SLCO4C1: variants seen among roughly 807,000 people sequenced by gnomAD.
The protein encoded by SLCO4C1 is organic anion transporter M1.
A neutral mutation model predicts 72.1 loss-of-function variants in SLCO4C1; 58 were observed. The ratio of observed to expected loss-of-function variants is 0.80; its 90% CI spans 0.65 to 1.00. The LOEUF (loss-of-function observed/expected upper bound fraction) is 1.00, where lower values mean the gene tolerates loss of function less well. SLCO4C1 is among the 50% of genes least tolerant of loss of function. The pLI, the probability that SLCO4C1 is intolerant of heterozygous loss-of-function variation, is 0.00. For synonymous variants in SLCO4C1, 297 were observed against 312.5 expected (o/e 0.95, Z 0.52); for missense variants, 898 against 857.9 (o/e 1.05, Z -0.58).
chr5:102,266,135 A>AT (rs897113254), intron 3 of SLCO4C1, among the ~76,000 whole-genome samples: 1 of 152,064 alleles, frequency 6.6e-6, no homozygotes, highest in Non-Finnish European at 1.5e-5. Flanking sequence ...AATACTACTG[A>AT]TTTTTTTAAT....
intron 10 of SLCO4C1, among the ~76,000 whole-genome samples, chr5:102,244,957 A>G (rs1040983174): frequency 6.6e-6 from 1 of 152,196 alleles, no homozygotes; most frequent in African/African-American, 2.4e-5. Flanking sequence ...TACAAAACTC[A>G]CTGGTAATGA....
At chr5:102,243,015 C>T (rs963221505) in intron 10 of SLCO4C1, among the ~76,000 whole-genome samples, 1 of 152,112 alleles carries the variant, frequency 6.6e-6, no homozygotes, top group African/African-American at 2.4e-5. Flanking sequence ...TCATGACAAG[C>T]TGACTTAAAG....
chr5:102,258,249 T>C (rs557221514), intron 6 of SLCO4C1, among the ~76,000 whole-genome samples, 162 bp from the exon 7 acceptor site: 23 of 152,276 alleles, frequency 1.5e-4, no homozygotes, highest in Non-Finnish European at 2.9e-4. Flanking sequence ...TTAATAGAAT[T>C]ACACATACAT....
intron 8 of SLCO4C1, among the ~76,000 whole-genome samples, chr5:102,252,922 A>G (rs1048252990): frequency 2.0e-5 from 3 of 152,282 alleles, no homozygotes; most frequent in East Asian, 1.9e-4. Context: ...ATAAATGTGC[A>G]TATATAAACA....
intron 12 of SLCO4C1, among the ~76,000 whole-genome samples, chr5:102,237,729 G>C (rs1748466095): frequency 6.6e-6 from 1 of 152,156 alleles, no homozygotes; most frequent in Admixed American, 6.6e-5. Context: ...ATAAATTGAA[G>C]AACATTCCCT....
At chr5:102,271,925 T>A (rs1437643852) in intron 2 of SLCO4C1, among the ~76,000 whole-genome samples, 1 of 152,086 alleles carries the variant, frequency 6.6e-6, no homozygotes, top group East Asian at 1.9e-4. Context: ...GAAAAGTAGG[T>A]CAGAGGTCAT....
chr5:102,260,286 T>C lies in SLCO4C1; in HGVS notation c.1055A>G (p.Gln352Arg), dbSNP rs367645009. The C allele has an allele frequency of 7.3e-7, 1 of 1,369,186 alleles. No individual in the cohort carries two copies. The allele number at this position is 1,369,186 out of a possible 1,614,324, so 84.8% of individuals were successfully genotyped here. ...TGCATTACTATTACTCTGATGAGCC[T>C]GGGAAGTTTTTCCAGCTTGAATTTC... ...TAEIQAGKTS[Q>R]AHQSNSNADV... Residue 352 changes from glutamine to arginine, a missense_variant, in exon 6 of 13, where the codon CAG becomes CGG. Gln to Arg is a conservative substitution (Grantham distance 43). Coordinates refer to ENST00000310954, the MANE Select transcript of SLCO4C1 (RefSeq NM_180991.5).
intron 2 of SLCO4C1, among the ~76,000 whole-genome samples, chr5:102,278,946 A>C (rs1372893064): frequency 6.6e-6 from 1 of 151,758 alleles, no homozygotes; most frequent in Non-Finnish European, 1.5e-5. Flanking sequence ...GAGAAAAATA[A>C]TAATAGAATA....
intron 10 of SLCO4C1, among the ~76,000 whole-genome samples, chr5:102,241,930 T>C (rs1030157355): frequency 6.6e-6 from 1 of 152,084 alleles, no homozygotes; most frequent in Non-Finnish European, 1.5e-5. Flanking sequence ...TTTATATTCC[T>C]GAAAGAGGCA....
At chr5:102,251,730 A>G (rs557215164) in intron 8 of SLCO4C1, among the ~76,000 whole-genome samples, 3 of 152,210 alleles carry the variant, frequency 2.0e-5, no homozygotes, top group Admixed American at 2.0e-4. Flanking sequence ...GAAATCTTGA[A>G]TGGAGCTAGA....
At chr5:102,287,723 T>C (rs1453807136) in intron 2 of SLCO4C1, among the ~76,000 whole-genome samples, 1 of 151,772 alleles carries the variant, frequency 6.6e-6, no homozygotes, top group African/African-American at 2.4e-5. Flanking sequence ...TTTTTTTTTC[T>C]TTTTGTATTT....
chr5:102,238,302 G>A (rs1346935875), intron 12 of SLCO4C1, among the ~76,000 whole-genome samples: 1 of 152,082 alleles, frequency 6.6e-6, no homozygotes, highest in Non-Finnish European at 1.5e-5. Context: ...TAAAAACATT[G>A]TATGTAGCCA....
intron 3 of SLCO4C1, among the ~76,000 whole-genome samples, chr5:102,266,692 C>T (rs901361588): frequency 6.6e-6 from 1 of 151,904 alleles, no homozygotes; most frequent in Non-Finnish European, 1.5e-5. Context: ...AGAAAGTGGG[C>T]TTTCTTGTGC....
At chr5:102,248,546 G>GT (rs1748678125) in intron 9 of SLCO4C1, among the ~76,000 whole-genome samples, 1 of 151,980 alleles carries the variant, frequency 6.6e-6, no homozygotes, top group African/African-American at 2.4e-5. Context: ...GTGCAGGATG[G>GT]TATTTGTGTC....
At chr5:102,287,183 T>C (rs1749468712) in intron 2 of SLCO4C1, among the ~76,000 whole-genome samples, 1 of 152,150 alleles carries the variant, frequency 6.6e-6, no homozygotes, top group Admixed American at 6.5e-5. Flanking sequence ...TCAACTAATC[T>C]GTTTTCTTTT....
intron 5 of SLCO4C1, 147 bp from the exon 6 acceptor site, chr5:102,260,466 T>C (rs1580250644): frequency 5.3e-6 from 1 of 189,292 alleles, no homozygotes; most frequent in East Asian, 1.4e-4. Context: ...AACCGACACA[T>C]ACTTCCACTA....
At chr5:102,257,351 C>T (rs1480608745) in intron 7 of SLCO4C1, 41 bp from the exon 8 acceptor site, 2 of 1,461,516 alleles carry the variant, frequency 1.4e-6, no homozygotes, top group Admixed American at 2.4e-5. Flanking sequence ...AAACCATACA[C>T]ATATACTCAC....
chr5:102,287,706 G>A (rs978843801), intron 2 of SLCO4C1, among the ~76,000 whole-genome samples: 3 of 151,354 alleles, frequency 2.0e-5, no homozygotes, highest in Non-Finnish European at 4.4e-5. Context: ...CACCACACAT[G>A]GCTAATTTTT....
chr5:102,274,051 T>C (rs908068567), intron 2 of SLCO4C1, among the ~76,000 whole-genome samples: 5 of 152,098 alleles, frequency 3.3e-5, no homozygotes, highest in East Asian at 3.9e-4. Flanking sequence ...TTACATAGCA[T>C]TTACACGACA....
Sources: allele counts gnomAD v4.1 joint callset (sites outside exome capture counted in the v4.1 genomes callset), GRCh38; gene constraint gnomAD v4.1.1; transcripts MANE v1.5; gene names NCBI Gene and HGNC (gene_info 2026-07-23, HGNC 2026-07-21).